Variants in CACNA1C observed in about 807,000 individuals in gnomAD.
The protein encoded by CACNA1C is voltage-dependent L-type calcium channel subunit alpha-1C.
A neutral mutation model predicts 229.0 loss-of-function variants in CACNA1C; 30 were observed. The ratio of observed to expected loss-of-function variants is 0.13; its 90% CI spans 0.10 to 0.18. CACNA1C has a LOEUF of 0.18. Ranked by LOEUF, CACNA1C falls within the 10% of genes least tolerant of loss-of-function variation. CACNA1C has a pLI of 1.00. For missense variants in CACNA1C, 1,658 were observed against 2,845.0 expected, an observed-to-expected ratio of 0.58 and a Z score of 9.49; for synonymous variants, 1,114 against 1,132.5, an observed-to-expected ratio of 0.98 and a Z score of 0.33.
intron 3 of CACNA1C, among the ~76,000 whole-genome samples, chr12:2,159,603 C>CTTTTT (rs575455560): frequency 1.4e-5 from 2 of 138,378 alleles, no homozygotes; most frequent in Non-Finnish European, 3.1e-5. Context: ...CTTTCTTTCT[C>CTTTTT]TTTTTTTTTT....
At chr12:2,230,135 T>C (rs2064404786) in intron 3 of CACNA1C, among the ~76,000 whole-genome samples, 1 of 151,966 alleles carries the variant, frequency 6.6e-6, no homozygotes, top group South Asian at 2.1e-4. Context: ...CTGACTGTGC[T>C]CAGGATGTCC....
chr12:1,978,398 C>T (rs1212018514), intron 1 of CACNA1C, among the ~76,000 whole-genome samples: 6 of 152,154 alleles, frequency 3.9e-5, no homozygotes, highest in African/African-American at 1.2e-4. Context: ...CTAACCAACA[C>T]AGCAGAGATC....
intron 30 of CACNA1C, chr12:2,641,655 C>A: frequency 4.3e-6 from 3 of 697,638 alleles, no homozygotes; most frequent in Non-Finnish European, 7.9e-6. Flanking sequence ...CACAGTCATT[C>A]ATGCTGGGTG....
chr12:1,991,572 C>G, intron 1 of CACNA1C: 1 of 243,854 alleles, frequency 4.1e-6, no homozygotes, highest in Admixed American at 5.2e-5. Flanking sequence ...CACTGTCTGA[C>G]AGTTGGTGCC....
At chr12:2,183,341 G>T (rs1384043288) in intron 3 of CACNA1C, among the ~76,000 whole-genome samples, 2 of 152,212 alleles carry the variant, frequency 1.3e-5, no homozygotes, top group Non-Finnish European at 2.9e-5. Flanking sequence ...CTATGCAGAG[G>T]TTCCCTAACA....
intron 3 of CACNA1C, among the ~76,000 whole-genome samples, chr12:2,207,288 C>T (rs2097780069): frequency 6.6e-6 from 1 of 152,178 alleles, no homozygotes; most frequent in Non-Finnish European, 1.5e-5. Context: ...TTTGTTTGGC[C>T]CCTCCATGGG....
intron 5 of CACNA1C, among the ~76,000 whole-genome samples, chr12:2,464,849 C>G (rs1297446923): frequency 1.3e-5 from 2 of 152,164 alleles, no homozygotes; most frequent in Admixed American, 6.5e-5. Context: ...AGGACTGTTT[C>G]CTGAAAGCAA....
intron 3 of CACNA1C, among the ~76,000 whole-genome samples, chr12:2,176,831 AC>A (rs1371224246): frequency 6.6e-6 from 1 of 152,110 alleles, no homozygotes; most frequent in African/African-American, 2.4e-5. Context: ...CTATCACTTG[AC>A]CCATCTTCTT....
At chr12:2,252,347 A>G (rs746149856) in intron 3 of CACNA1C, among the ~76,000 whole-genome samples, 2 of 152,216 alleles carry the variant, frequency 1.3e-5, no homozygotes, top group Admixed American at 1.3e-4. Context: ...TGGCCTCTGC[A>G]ATCTGGCCAC....
intron 1 of CACNA1C, among the ~76,000 whole-genome samples, chr12:2,009,504 C>T (rs1228762707): frequency 6.6e-6 from 1 of 152,180 alleles, no homozygotes; most frequent in African/African-American, 2.4e-5. Flanking sequence ...TGTAAATACC[C>T]TCTAAGTCTG....
chr12:2,107,608 T>C (rs895799761), intron 1 of CACNA1C, among the ~76,000 whole-genome samples: 8 of 152,266 alleles, frequency 5.3e-5, no homozygotes, highest in African/African-American at 1.9e-4. Flanking sequence ...CATTTGGCCA[T>C]TGAGAAGAAA....
At chr12:2,452,185 G>A (rs922040632) in intron 4 of CACNA1C, among the ~76,000 whole-genome samples, 2 of 152,138 alleles carry the variant, frequency 1.3e-5, no homozygotes, top group Admixed American at 6.5e-5. Context: ...TACTGCCTGA[G>A]TGCCAGGCTG....
intron 10 of CACNA1C, among the ~76,000 whole-genome samples, chr12:2,553,580 G>A (rs189581357): frequency 3.3e-5 from 5 of 152,308 alleles, no homozygotes; most frequent in South Asian, 2.1e-4. Flanking sequence ...TCATAAATGT[G>A]CAGTCAGCCG....
chr12:2,408,971 A>G (rs1162811917), intron 3 of CACNA1C, among the ~76,000 whole-genome samples: 2 of 152,204 alleles, frequency 1.3e-5, no homozygotes, highest in East Asian at 1.9e-4. Flanking sequence ...CTTTTGCCCA[A>G]TGTTGCAATA....
chr12:2,494,784 A>G (rs570504567), intron 7 of CACNA1C, among the ~76,000 whole-genome samples: 15 of 152,358 alleles, frequency 9.8e-5, no homozygotes, highest in African/African-American at 3.1e-4. Context: ...CAGTTTTTAC[A>G]TGATAGTCAA....
chr12:2,628,810 G>T (rs1189402161), intron 29 of CACNA1C, among the ~76,000 whole-genome samples: 2 of 152,144 alleles, frequency 1.3e-5, no homozygotes, highest in Non-Finnish European at 2.9e-5. Flanking sequence ...ACCACAGTGA[G>T]CTATGATCAC....
intron 43 of CACNA1C, 70 bp downstream of exon 43, chr12:2,682,748 C>G (rs1271541409): frequency 6.6e-5 from 99 of 1,491,988 alleles, no homozygotes; most frequent in Non-Finnish European, 8.6e-5. Flanking sequence ...AGAGGCAGGT[C>G]CCTGAGATCC....
chr12:2,643,164 C>A lies in CACNA1C; in HGVS notation c.3913-5311C>A, dbSNP rs1569006707. ...GCATTTCAACTCAGTGTCTGTAACTCCAAACACACAAGAAAGGCAAGAAGG... is the reference window on the plus strand; with the variant it reads ...GCATTTCAACTCAGTGTCTGTAACTACAAACACACAAGAAAGGCAAGAAGG... On this transcript the variant is annotated intron_variant, in intron 30 of 46. Transcript: ENST00000399655. Among the ~76,000 whole-genome samples, 5 of 152,222 alleles carry A rather than the reference C, an allele frequency of 3.3e-5. No individual in the cohort carries two copies. In the South Asian group the frequency reaches 1.0e-3, roughly 32 times the overall value.
At position 2,677,364 on chromosome 12, in the gene CACNA1C, A is replaced by G. The variant is rs2096875093; in HGVS notation, c.4956+143A>G. ...CTTTCAGAGAGCTCCAGACCTTTCC[A>G]AAGATGGCTGTGAGAAGGGGGTGAT... On this transcript the variant is annotated intron_variant, in intron 40 of 46. Transcript: ENST00000399655. This position sits in a 1 kb window ranked among gnomAD's most constrained non-coding sequence, Gnocchi z 7.4. 1 of 921,210 alleles carries G rather than the reference A, an allele frequency of 1.1e-6. No homozygotes were observed. The highest frequency in any genetic ancestry group is 2.7e-5 in the East Asian group (1 of 37,570). 57.1% of individuals were successfully genotyped at this position (921,210 alleles called of 1,614,324 possible).
Sources: allele counts gnomAD v4.1 joint callset (sites outside exome capture counted in the v4.1 genomes callset), GRCh38; gene constraint gnomAD v4.1.1; non-coding constraint Gnocchi (gnomAD v3.1); transcripts MANE v1.5; gene names NCBI Gene and HGNC (gene_info 2026-07-23, HGNC 2026-07-21).